The following ARHGAP15 variants were observed in gnomAD, a reference collection of about 807,000 sequenced individuals.
ARHGAP15 encodes rho GTPase-activating protein 15.
ARHGAP15 carries 51 observed loss-of-function variants against 63.7 expected under a neutral mutation model. The ratio of observed to expected loss-of-function variants is 0.80; its 90% CI spans 0.64 to 1.01. ARHGAP15 has a LOEUF of 1.01. Among genes scored for constraint, ARHGAP15 ranks in the 50% least tolerant of loss-of-function variants. ARHGAP15 has a pLI of 0.00. For synonymous variants in ARHGAP15, 191 were observed against 193.8 expected, an observed-to-expected ratio of 0.99 and a Z score of 0.12; for missense variants, 560 against 564.6, an observed-to-expected ratio of 0.99 and a Z score of 0.08.
chr2:143,338,320 A>G (rs1684898856), intron 6 of ARHGAP15, among the ~76,000 whole-genome samples: 1 of 152,192 alleles, frequency 6.6e-6, no homozygotes, highest in Non-Finnish European at 1.5e-5. Context: ...CAAATTTCTA[A>G]CATGTGGACA....
intron 9 of ARHGAP15, 122 bp downstream of exon 9, chr2:143,487,617 T>C: frequency 8.6e-7 from 1 of 1,164,044 alleles, no homozygotes; most frequent in Non-Finnish European, 1.2e-6. Context: ...TTATTAAATT[T>C]TCTACTCTGT....
intron 12 of ARHGAP15, among the ~76,000 whole-genome samples, chr2:143,652,841 T>C (rs1295712459): frequency 1.3e-5 from 2 of 152,120 alleles, no homozygotes; most frequent in African/African-American, 2.4e-5. Context: ...ACATAGAAGA[T>C]TATGTGATCC....
intron 11 of ARHGAP15, among the ~76,000 whole-genome samples, chr2:143,574,408 T>C (rs1696585836): frequency 6.6e-6 from 1 of 152,114 alleles, no homozygotes; most frequent in Admixed American, 6.6e-5. Context: ...CCTTGTTTAT[T>C]GGCTGATTCT....
At chr2:143,519,538 G>C (rs558051415) in intron 10 of ARHGAP15, 174 bp downstream of exon 10, 1 of 487,512 alleles carries the variant, frequency 2.1e-6, no homozygotes, top group Non-Finnish European at 3.8e-6. Context: ...TTTTACAATA[G>C]GGACATTAGT....
chr2:143,683,647 A>T (rs1683203211), intron 12 of ARHGAP15, among the ~76,000 whole-genome samples: 1 of 152,240 alleles, frequency 6.6e-6, no homozygotes, highest in African/African-American at 2.4e-5. Context: ...ACATTATTGT[A>T]ATAAGTACAT....
chr2:143,664,083 C>G (rs1461177429), intron 12 of ARHGAP15, among the ~76,000 whole-genome samples: 1 of 152,060 alleles, frequency 6.6e-6, no homozygotes, highest in African/African-American at 2.4e-5. Flanking sequence ...CTACAGAACT[C>G]TCCACCCCAA....
chr2:143,754,843 A>T (rs1574930860), intron 13 of ARHGAP15, among the ~76,000 whole-genome samples: 1 of 152,220 alleles, frequency 6.6e-6, no homozygotes, highest in African/African-American at 2.4e-5. Context: ...TTTTGGCTGC[A>T]GCTCTGAGGC....
Position 143,717,773 on chromosome 2 carries a change from G to A in ARHGAP15, c.1244+14249G>A, listed in dbSNP as rs144797516. Reference sequence around the variant, plus strand: ...AGAGCATCACGGGGCTGGGAAAGACGAGACCATGCTGCAGTTAGTCAAGGC... The same window carrying A: ...AGAGCATCACGGGGCTGGGAAAGACAAGACCATGCTGCAGTTAGTCAAGGC... On this transcript the variant is annotated intron_variant, in intron 13 of 13. Transcript: ENST00000295095. Among the ~76,000 whole-genome samples, 12 of 151,846 alleles carry A rather than the reference G, an allele frequency of 7.9e-5. No individual in the cohort carries two copies. In the South Asian group the frequency reaches 2.3e-3, roughly 29 times the overall value.
chr2:143,511,179 C>A (rs1374008913), intron 9 of ARHGAP15, among the ~76,000 whole-genome samples: 2 of 152,210 alleles, frequency 1.3e-5, no homozygotes, highest in African/African-American at 2.4e-5. Context: ...AGATTAAAAA[C>A]CACCATTCTC....
chr2:143,631,793 A>G (rs77875328), intron 12 of ARHGAP15, among the ~76,000 whole-genome samples: 2,706 of 152,118 alleles, frequency 0.018, 82 homozygotes, highest in African/African-American at 0.063. Context: ...AAGAGCAGAC[A>G]TTTTTAATTT....
intron 6 of ARHGAP15, among the ~76,000 whole-genome samples, chr2:143,306,724 G>C (rs936045413): frequency 6.6e-6 from 1 of 152,034 alleles, no homozygotes; most frequent in Non-Finnish European, 1.5e-5. Context: ...AGTAGCGGAA[G>C]GATTTTGTTT....
chr2:143,618,697 G>A (rs1370414598), intron 11 of ARHGAP15, among the ~76,000 whole-genome samples: 4 of 152,200 alleles, frequency 2.6e-5, no homozygotes, highest in African/African-American at 7.2e-5. Context: ...GATAGTCCAA[G>A]TGCAAGCATA....
At chr2:143,544,669 A>G (rs1049933952) in intron 10 of ARHGAP15, among the ~76,000 whole-genome samples, 1 of 152,198 alleles carries the variant, frequency 6.6e-6, no homozygotes, top group Non-Finnish European at 1.5e-5. Context: ...AATGCCTAGC[A>G]CACTTTTGCT....
intron 11 of ARHGAP15, among the ~76,000 whole-genome samples, chr2:143,560,664 T>C (rs1257753835): frequency 6.6e-6 from 1 of 152,220 alleles, no homozygotes; most frequent in Non-Finnish European, 1.5e-5. Flanking sequence ...AACTGATGAG[T>C]ACTACCGTTG....
chr2:143,580,040 T>A (rs1022845578), intron 11 of ARHGAP15, among the ~76,000 whole-genome samples: 2 of 149,166 alleles, frequency 1.3e-5, no homozygotes, highest in Non-Finnish European at 3.0e-5. Flanking sequence ...GAAGAAAAGT[T>A]CTTTTTATTT....
At chr2:143,446,757 T>C (rs1690158834) in intron 8 of ARHGAP15, among the ~76,000 whole-genome samples, 1 of 151,070 alleles carries the variant, frequency 6.6e-6, no homozygotes, top group Non-Finnish European at 1.5e-5. Flanking sequence ...TAGGTATATC[T>C]CCCAATGCTA....
At chr2:143,557,601 AATCCTC>A (rs1466531122) in intron 11 of ARHGAP15, among the ~76,000 whole-genome samples, 7 of 152,082 alleles carry the variant, frequency 4.6e-5, no homozygotes, top group Admixed American at 4.6e-4. Context: ...ACAAAGAGTG[AATCCTC>A]ATGTAAATTA....
intron 6 of ARHGAP15, among the ~76,000 whole-genome samples, chr2:143,388,647 C>T (rs1479134752): frequency 1.8e-4 from 27 of 152,132 alleles, no homozygotes; most frequent in Admixed American, 1.8e-3. Flanking sequence ...TTTATACATA[C>T]ACAATGCCTA....
rs139959597 is a variant in ARHGAP15 at position 143,137,862 on chromosome 2, A to G, written c.-15+8396A>G. The stretch of plus-strand genomic sequence containing the variant: ...ATTTCATGTTAGAATTTTAAAGACT[A>G]GAAACTGAGCAATGGAACCCAAATT... On this transcript the variant is annotated intron_variant, in intron 1 of 13. Coordinates refer to ENST00000295095, the MANE Select transcript of ARHGAP15 (RefSeq NM_018460.4). 3.0e-3 allele frequency among the ~76,000 whole-genome samples: 455 copies of G among 152,226 alleles called. 4 individuals are homozygous for G. Among genetic ancestry groups the G allele is most frequent in the African/African-American group, 0.011 (439 of 41,566 alleles).
Sources: gnomAD v4.1 joint callset for allele counts (sites outside exome capture counted in the v4.1 genomes callset) on GRCh38, gnomAD v4.1.1 for gene constraint, MANE v1.5 for transcripts, NCBI Gene and HGNC (gene_info 2026-07-23, HGNC 2026-07-21) for gene names.